MROH2B: variants seen among roughly 807,000 people sequenced by gnomAD.
MROH2B encodes the protein maestro heat-like repeat-containing protein family member 2B.
Under a neutral mutation model 208.6 loss-of-function variants are expected in MROH2B, and 177 were observed. The observed-to-expected ratio is 0.85, with a 90% confidence interval of 0.75 to 0.96. The LOEUF (loss-of-function observed/expected upper bound fraction) is 0.96. Among genes scored for constraint, MROH2B ranks in the 40% least tolerant of loss-of-function variants. MROH2B has a pLI of 0.00. For missense variants in MROH2B, 2,002 were observed against 1,878.7 expected (o/e 1.07, Z -1.21); for synonymous variants, 728 against 659.0 (o/e 1.10, Z -1.60).
intron 18 of MROH2B, among the ~76,000 whole-genome samples, chr5:41,043,753 A>G (rs573389213): frequency 9.3e-4 from 142 of 152,258 alleles, no homozygotes; most frequent in African/African-American, 3.3e-3. Flanking sequence ...CTATTTTCCC[A>G]TTTATGTGAA....
rs1741698451 is a variant in MROH2B, at chr5:41,009,281, G to A, written c.3419C>T (p.Ser1140Leu). ...EDDIARVEAISVACAMYEVIS... is the reference protein window; with the variant it reads ...EDDIARVEAILVACAMYEVIS... Reference sequence around the variant, plus strand: ...ATGGGTTCAGGCTGTCCAACTCACTGAAATTGCCTCAACCCTGGCGATGTC... The same window carrying A: ...ATGGGTTCAGGCTGTCCAACTCACTAAAATTGCCTCAACCCTGGCGATGTC... Residue 1140 changes from serine to leucine, a missense_variant and splice_region_variant, in exon 32 of 42, where the codon TCA becomes TTA. Coordinates refer to ENST00000399564, the MANE Select transcript of MROH2B (RefSeq NM_173489.5). The A allele has an allele frequency of 6.2e-7, 1 of 1,613,732 alleles. No homozygotes were observed. The highest frequency in any genetic ancestry group is 1.1e-5 in the South Asian group (1 of 91,088).
At chr5:41,044,942 C>T (rs1677892374) in intron 18 of MROH2B, among the ~76,000 whole-genome samples, 1 of 152,150 alleles carries the variant, frequency 6.6e-6, no homozygotes, top group South Asian at 2.1e-4. Flanking sequence ...ATTGAACCCT[C>T]AGAATACTAC....
chr5:41,066,405 T>C (rs949472314), intron 3 of MROH2B, among the ~76,000 whole-genome samples: 17 of 152,200 alleles, frequency 1.1e-4, no homozygotes, highest in Non-Finnish European at 1.8e-4. Context: ...TCTAGAGAGA[T>C]AAGCCCTGCA....
rs1743100199 is a variant in MROH2B at position 41,045,789 on chromosome 5, A to C, written c.1793T>G (p.Phe598Cys). The C allele has an allele frequency of 6.2e-7, 1 of 1,613,530 alleles. No individual in the cohort carries two copies. The highest frequency in any genetic ancestry group is 1.3e-5 in the African/African-American group (1 of 74,902). Residue 598 changes from phenylalanine to cysteine, a missense_variant, in exon 18 of 42, where the codon TTC becomes TGC. Coordinates refer to ENST00000399564, the MANE Select transcript of MROH2B (RefSeq NM_173489.5). ...VAWTIQLTQD[F>C]KQQMGSYSNN... ...GCTGTAACTGCCCATTTGCTGTTTG[A>C]AATCCTGAGTCAGCTGAATGGTCCA...
intron 3 of MROH2B, among the ~76,000 whole-genome samples, chr5:41,065,895 G>C (rs143188175): frequency 0.026 from 3,975 of 152,232 alleles, 148 homozygotes; most frequent in Admixed American, 0.1. Flanking sequence ...CTCCTCTAGC[G>C]TTGGGACGAA....
chr5:41,061,921 A>G (rs1443104257), intron 5 of MROH2B, among the ~76,000 whole-genome samples, 197 bp from the exon 6 acceptor site: 1 of 152,360 alleles, frequency 6.6e-6, no homozygotes, highest in African/African-American at 2.4e-5. Context: ...ATGAGCCACT[A>G]CTATCCAGAA....
intron 7 of MROH2B, 145 bp downstream of exon 7, chr5:41,057,918 T>C: frequency 1.5e-6 from 1 of 671,472 alleles, no homozygotes; most frequent in Non-Finnish European, 2.2e-6. Context: ...ACAATCTTTT[T>C]CCTACCTCAT....
chr5:41,038,035 T>C (rs1288876483), intron 21 of MROH2B, among the ~76,000 whole-genome samples: 1 of 152,154 alleles, frequency 6.6e-6, no homozygotes, highest in Non-Finnish European at 1.5e-5. Flanking sequence ...CTTGGTATGT[T>C]TGAGAAGCAT....
chr5:41,063,126 A>G (rs1743692461), intron 5 of MROH2B, among the ~76,000 whole-genome samples: 1 of 152,218 alleles, frequency 6.6e-6, no homozygotes, highest in Admixed American at 6.5e-5. Flanking sequence ...AACACAGAGA[A>G]TTCCCTTAGT....
rs117357277 is a variant in MROH2B, at chr5:41,049,816, T to C, written c.1345-380A>G. Among the ~76,000 whole-genome samples the C allele has an allele frequency of 5.9e-5, 9 of 152,256 alleles. No individual in the cohort carries two copies. In the East Asian group the frequency reaches 1.7e-3, roughly 29 times the overall value. On this transcript the variant is annotated intron_variant, in intron 13 of 41. Coordinates refer to ENST00000399564, the MANE Select transcript of MROH2B (RefSeq NM_173489.5). ...CCAAGTACTTCCCAAAACTCCAGGATTGGAGTGTGACTTCCCCAGTTGAGA... is the reference window on the plus strand; with the variant it reads ...CCAAGTACTTCCCAAAACTCCAGGACTGGAGTGTGACTTCCCCAGTTGAGA...
chr5:41,054,787 T>C lies in MROH2B; in HGVS notation c.1087A>G (p.Met363Val), dbSNP rs776600257. Residue 363 changes from methionine (M) to valine (V), a missense_variant, in exon 11 of 42, where the codon ATG becomes GTG. Met to Val is a conservative substitution (Grantham distance 21). Coordinates refer to ENST00000399564, the MANE Select transcript of MROH2B (RefSeq NM_173489.5). ...CTTACTTTTGTACTGAGATCACCCA[T>C]GACGATTTTGACTGTTCTTTCTATT... ...ISIERTVKIV[M>V]GDLSTKVRNS... 3 of 1,611,652 alleles carry C rather than the reference T, an allele frequency of 1.9e-6. No individual in the cohort carries two copies. Among genetic ancestry groups the C allele is most frequent in the Non-Finnish European group, 2.5e-6 (3 of 1,178,646 alleles).
chr5:41,020,471 T>A (rs1011629048), intron 24 of MROH2B, among the ~76,000 whole-genome samples: 14 of 152,198 alleles, frequency 9.2e-5, no homozygotes, highest in Non-Finnish European at 1.0e-4. Context: ...GGAGAAATTA[T>A]GTGGGTGCTT....
chr5:41,064,426 T>G (rs762065294), intron 5 of MROH2B, 46 bp downstream of exon 5: 5 of 1,519,500 alleles, frequency 3.3e-6, no homozygotes, highest in Non-Finnish European at 4.5e-6. Flanking sequence ...GTAAGACAGT[T>G]CACAGCCTGG....
chr5:41,065,680 C>G (rs1193823215), intron 3 of MROH2B, among the ~76,000 whole-genome samples, 190 bp from the exon 4 acceptor site: 1 of 152,012 alleles, frequency 6.6e-6, no homozygotes, highest in Non-Finnish European at 1.5e-5. Flanking sequence ...TCTAGTGAAC[C>G]CTCACCATTC....
At chr5:41,017,588 C>A (rs1450871143) in intron 28 of MROH2B, among the ~76,000 whole-genome samples, 1 of 151,756 alleles carries the variant, frequency 6.6e-6, no homozygotes, top group Admixed American at 6.6e-5. Flanking sequence ...GGTTTCAGAT[C>A]TAGGAGACAG....
rs753991222 is a variant in MROH2B at position 41,007,421 on chromosome 5, G to C, written c.3642C>G (p.Ala1214=). Residue 1214 remains alanine (A), a synonymous_variant, in exon 34 of 42, where the codon GCC becomes GCG. Coordinates refer to ENST00000399564, the MANE Select transcript of MROH2B (RefSeq NM_173489.5). ...LSTATLKCLQ[A]QAMREGLAKE... ...TTGCAAGGCCTTCTCTCATGGCTTG[G>C]GCTTGCAAACATTTTAAAGTAGCAG... The C allele has an allele frequency of 1.9e-6, 3 of 1,575,928 alleles. No homozygotes were observed. The highest frequency in any genetic ancestry group is 2.6e-6 in the Non-Finnish European group (3 of 1,160,918).
chr5:41,056,407 C>A (rs958893429), intron 9 of MROH2B, among the ~76,000 whole-genome samples: 1 of 151,928 alleles, frequency 6.6e-6, no homozygotes, highest in Non-Finnish European at 1.5e-5. Flanking sequence ...AGGGGCCAGT[C>A]AGGAGAGAAG....
Position 41,051,107 on chromosome 5 carries a change from A to G in MROH2B, c.1231-17T>C. On this transcript the variant is annotated splice_polypyrimidine_tract_variant and intron_variant, in intron 12 of 41. Coordinates refer to ENST00000399564, the MANE Select transcript of MROH2B (RefSeq NM_173489.5). ...TGGTTTCTCCTTTAAGAAAGATCAAACAGGTGACTTGTTAATGACTCCTAA... is the reference window on the plus strand; with the variant it reads ...TGGTTTCTCCTTTAAGAAAGATCAAGCAGGTGACTTGTTAATGACTCCTAA... 1 of 1,497,888 alleles carries G rather than the reference A, an allele frequency of 6.7e-7. No individual in the cohort carries two copies. Among genetic ancestry groups the G allele is most frequent in the Non-Finnish European group, 8.9e-7 (1 of 1,126,294 alleles). The allele number at this position is 1,497,888 out of a possible 1,614,324, so 92.8% of individuals were successfully genotyped here. A position where few individuals can be genotyped will look rare whatever the true frequency, so the allele number is the denominator to read the frequency against.
chr5:41,035,878 T>C (rs1001186816), intron 21 of MROH2B, among the ~76,000 whole-genome samples: 22 of 152,112 alleles, frequency 1.4e-4, no homozygotes, highest in African/African-American at 4.8e-4. Flanking sequence ...GGAATGTTTA[T>C]ACACTGTTGG....
Sources: allele counts gnomAD v4.1 joint callset (sites outside exome capture counted in the v4.1 genomes callset), GRCh38; gene constraint gnomAD v4.1.1; transcripts MANE v1.5; gene names NCBI Gene and HGNC (gene_info 2026-07-23, HGNC 2026-07-21).